Variants in JARID2 observed in about 807,000 individuals in gnomAD.
JARID2 encodes the protein jumonji and AT-rich interaction domain containing 2, also known as protein Jumonji.
Under a neutral mutation model 125.6 loss-of-function variants are expected in JARID2, and 21 were observed. That is an observed-to-expected ratio of 0.17 (90% CI 0.12 to 0.24). The LOEUF (loss-of-function observed/expected upper bound fraction) is 0.24. Among genes scored for constraint, JARID2 ranks in the 10% least tolerant of loss-of-function variants. The pLI is 1.00. For synonymous variants in JARID2, 736 were observed against 661.6 expected, an observed-to-expected ratio of 1.11 and a Z score of -1.73; for missense variants, 1,303 against 1,639.6, an observed-to-expected ratio of 0.79 and a Z score of 3.55.
Position 15,507,350 on chromosome 6 carries a change from G to A in JARID2, c.2665G>A (p.Gly889Arg). ...VGKSEPFSRH[G>R]WNLTVLPNNT... Reference sequence around the variant, plus strand: ...CCCTCGTCTTCCCCTTTGCAGGCATGGATGGAACCTCACCGTCCTCCCCAA... The same window carrying A: ...CCCTCGTCTTCCCCTTTGCAGGCATAGATGGAACCTCACCGTCCTCCCCAA... Residue 889 changes from glycine (G) to arginine (R), a missense_variant, in exon 11 of 18, where the codon GGA (glycine) becomes AGA (arginine). Physicochemically the swap from Gly to Arg is moderately radical, Grantham distance 125. Transcript: ENST00000341776. The A allele has an allele frequency of 6.2e-7, 1 of 1,613,996 alleles. No individual in the cohort carries two copies. Among genetic ancestry groups the A allele is most frequent in the South Asian group, 1.1e-5 (1 of 91,076 alleles).
At chr6:15,352,772 A>T (rs1240117950) in intron 1 of JARID2, among the ~76,000 whole-genome samples, 1 of 152,196 alleles carries the variant, frequency 6.6e-6, no homozygotes, top group Non-Finnish European at 1.5e-5. Context: ...TGTAAGTCTA[A>T]ATTCACTGTA....
At chr6:15,282,488 A>C (rs922241510) in intron 1 of JARID2, among the ~76,000 whole-genome samples, 1 of 150,682 alleles carries the variant, frequency 6.6e-6, no homozygotes, top group African/African-American at 2.4e-5. Flanking sequence ...ACTTTTATCC[A>C]CTATTATATT....
chr6:15,348,237 G>A (rs1472840538), intron 1 of JARID2, among the ~76,000 whole-genome samples: 1 of 151,594 alleles, frequency 6.6e-6, no homozygotes, highest in African/African-American at 2.4e-5. Context: ...GATTACAGCC[G>A]CCCGCCACCA....
chr6:15,248,925 G>C, intron 1 of JARID2: 1 of 985,856 alleles, frequency 1.0e-6, no homozygotes, highest in Non-Finnish European at 1.2e-6. Flanking sequence ...GATGCGCTCG[G>C]CCTCTGCCTT....
chr6:15,471,014 G>A (rs539903515), intron 5 of JARID2, among the ~76,000 whole-genome samples: 5 of 152,330 alleles, frequency 3.3e-5, no homozygotes, highest in African/African-American at 1.2e-4. Flanking sequence ...TAGCAGACTA[G>A]TCTGAAATAA....
intron 2 of JARID2, among the ~76,000 whole-genome samples, chr6:15,400,622 T>A (rs557541153): frequency 6.0e-5 from 9 of 151,086 alleles, no homozygotes; most frequent in African/African-American, 2.2e-4. Context: ...GTTGGGGAAA[T>A]GGCAGGATGA....
intron 17 of JARID2, among the ~76,000 whole-genome samples, chr6:15,517,753 GA>G (rs1771634480): frequency 2.0e-5 from 3 of 152,240 alleles, no homozygotes; most frequent in Admixed American, 2.0e-4. Context: ...CTCTTCTGGA[GA>G]GGGGGGTCAT....
At chr6:15,378,081 G>A (rs1412806999) in intron 2 of JARID2, among the ~76,000 whole-genome samples, 1 of 151,402 alleles carries the variant, frequency 6.6e-6, no homozygotes, top group African/African-American at 2.4e-5. Context: ...TAGAGGCGGG[G>A]TTTCACCATG....
intron 2 of JARID2, among the ~76,000 whole-genome samples, chr6:15,385,523 ATAT>A (rs1407984727): frequency 6.0e-5 from 9 of 150,472 alleles, no homozygotes; most frequent in African/African-American, 1.9e-4. Context: ...TTTTTTATAG[ATAT>A]TATTTTATAG....
intron 16 of JARID2, among the ~76,000 whole-genome samples, chr6:15,516,629 T>A (rs181697951): frequency 2.6e-5 from 4 of 152,220 alleles, no homozygotes; most frequent in African/African-American, 9.6e-5. Context: ...CGCCGCTTGC[T>A]CTGTTGACTG....
intron 1 of JARID2, among the ~76,000 whole-genome samples, chr6:15,359,318 A>T (rs1763709881): frequency 6.6e-6 from 1 of 152,180 alleles, no homozygotes; most frequent in Admixed American, 6.5e-5. Flanking sequence ...TTACTGTCCC[A>T]ACAGCTTTTC....
At chr6:15,415,694 C>T (rs1240334045) in intron 3 of JARID2, among the ~76,000 whole-genome samples, 3 of 143,854 alleles carry the variant, frequency 2.1e-5, no homozygotes, top group Admixed American at 6.8e-5. Flanking sequence ...GGGCGGGGGG[C>T]TGACCCCCCC....
intron 3 of JARID2, among the ~76,000 whole-genome samples, chr6:15,417,758 A>C (rs1581533751): frequency 6.6e-6 from 1 of 152,128 alleles, no homozygotes; most frequent in African/African-American, 2.4e-5. Context: ...AAACTAAATA[A>C]GCGAATAAAT....
chr6:15,411,057 C>T (rs1036689360), intron 3 of JARID2, among the ~76,000 whole-genome samples: 2 of 152,266 alleles, frequency 1.3e-5, no homozygotes, highest in East Asian at 3.9e-4. Context: ...CTACTTCATA[C>T]CTGATATGTT....
intron 1 of JARID2, among the ~76,000 whole-genome samples, chr6:15,251,886 CA>C (rs1759469855): frequency 6.6e-6 from 1 of 151,992 alleles, no homozygotes; most frequent in Admixed American, 6.6e-5. Context: ...GCTGAGGCAG[CA>C]GAATTACTTG....
In JARID2 at chr6:15,433,919, A is replaced by AGG. The variant is rs1346556552; in HGVS notation, c.324-18085_324-18084dup. ...GTTTTTCCAGTAGCCCTCACTCTCC[A>AGG]GGGTGTGTGTGTGTGTGTGTGTGTG... is the stretch of plus-strand genomic sequence containing the variant. On this transcript the variant is annotated intron_variant, in intron 3 of 17. Transcript: ENST00000341776. Among the ~76,000 whole-genome samples, 44 of 105,256 alleles carry AGG rather than the reference A, an allele frequency of 4.2e-4. No individual in the cohort carries two copies. The South Asian group carries it at 0.011, about 25-fold the overall frequency. 69.1% of individuals were successfully genotyped at this position (105,256 alleles called of 152,430 possible). A position where few individuals can be genotyped will look rare whatever the true frequency, so the allele number is the denominator to read the frequency against.
At chr6:15,470,979 G>A (rs767688018) in intron 5 of JARID2, among the ~76,000 whole-genome samples, 3 of 152,198 alleles carry the variant, frequency 2.0e-5, no homozygotes, top group Non-Finnish European at 2.9e-5. Flanking sequence ...GAGGAAATGC[G>A]TCAAGTTCTG....
chr6:15,362,409 C>G (rs1372451482), intron 1 of JARID2, among the ~76,000 whole-genome samples: 1 of 152,078 alleles, frequency 6.6e-6, no homozygotes, highest in Non-Finnish European at 1.5e-5. Context: ...ACTTTTTATT[C>G]TTGTCTCTTG....
intron 5 of JARID2, among the ~76,000 whole-genome samples, chr6:15,474,168 A>T (rs1044760800): frequency 6.6e-6 from 1 of 152,238 alleles, no homozygotes; most frequent in African/African-American, 2.4e-5. Flanking sequence ...TGCTAATTGA[A>T]CCTAAGAGTA....
Sources: gnomAD v4.1 joint callset for allele counts (sites outside exome capture counted in the v4.1 genomes callset) on GRCh38, gnomAD v4.1.1 for gene constraint, MANE v1.5 for transcripts, NCBI Gene and HGNC (gene_info 2026-07-23, HGNC 2026-07-21) for gene names.